NKAIN2: variants seen among roughly 807,000 people sequenced by gnomAD.
The protein encoded by NKAIN2 is sodium/potassium-transporting ATPase subunit beta-1-interacting protein 2.
A neutral mutation model predicts 32.6 loss-of-function variants in NKAIN2; 14 were observed. That is an observed-to-expected ratio of 0.43 (90% CI 0.28 to 0.67). The LOEUF (loss-of-function observed/expected upper bound fraction) is 0.67. Among genes scored for constraint, NKAIN2 ranks in the 30% least tolerant of loss-of-function variants. The pLI is 0.17. For synonymous variants in NKAIN2, 80 were observed against 87.2 expected, an observed-to-expected ratio of 0.92 and a Z score of 0.46; for missense variants, 198 against 258.3, an observed-to-expected ratio of 0.77 and a Z score of 1.60.
chr6:123,888,363 C>T (rs1773829187), intron 1 of NKAIN2, among the ~76,000 whole-genome samples: 1 of 152,070 alleles, frequency 6.6e-6, no homozygotes, highest in South Asian at 2.1e-4. Flanking sequence ...ATGCTTTTTA[C>T]TTGGGCCTCT....
intron 1 of NKAIN2, among the ~76,000 whole-genome samples, chr6:124,190,942 A>G (rs1295087134): frequency 1.3e-5 from 2 of 152,142 alleles, no homozygotes; most frequent in Non-Finnish European, 2.9e-5. Flanking sequence ...TTCCCTCTCT[A>G]TAACATCCTC....
chr6:124,677,035 C>G (rs1218088735), intron 4 of NKAIN2, among the ~76,000 whole-genome samples: 1 of 152,092 alleles, frequency 6.6e-6, no homozygotes, highest in African/African-American at 2.4e-5. Context: ...GTGGCGTGAT[C>G]TCGGCTCACT....
chr6:124,330,518 A>G (rs1167847346), intron 2 of NKAIN2, among the ~76,000 whole-genome samples: 1 of 152,194 alleles, frequency 6.6e-6, no homozygotes, highest in Non-Finnish European at 1.5e-5. Flanking sequence ...CTCCACATCA[A>G]CCAGTCATGA....
At chr6:124,350,664 A>G (rs1798681537) in intron 2 of NKAIN2, among the ~76,000 whole-genome samples, 1 of 152,238 alleles carries the variant, frequency 6.6e-6, no homozygotes, top group South Asian at 2.1e-4. Flanking sequence ...GACTAACTGG[A>G]TTGTAATGAA....
chr6:124,768,916 T>C (rs1778630941), intron 4 of NKAIN2, among the ~76,000 whole-genome samples: 1 of 152,152 alleles, frequency 6.6e-6, no homozygotes. Context: ...TTTACAAAGC[T>C]GTTTTGGGTC....
At chr6:124,612,181 A>G (rs996641665) in intron 3 of NKAIN2, among the ~76,000 whole-genome samples, 3 of 151,760 alleles carry the variant, frequency 2.0e-5, no homozygotes, top group Admixed American at 1.3e-4. Context: ...GAATCACTCT[A>G]TGTTTTTGGA....
chr6:123,941,518 GC>G (rs1776824045), intron 1 of NKAIN2, among the ~76,000 whole-genome samples: 1 of 151,632 alleles, frequency 6.6e-6, no homozygotes, highest in South Asian at 2.1e-4. Context: ...AAATTTTTCA[GC>G]CCCATTATAA....
chr6:123,829,664 G>A (rs1400508518), intron 1 of NKAIN2, among the ~76,000 whole-genome samples: 4 of 152,168 alleles, frequency 2.6e-5, no homozygotes, highest in Non-Finnish European at 5.9e-5. Flanking sequence ...TAAATGCAGA[G>A]GGGTGGGGAG....
intron 1 of NKAIN2, among the ~76,000 whole-genome samples, chr6:124,240,990 A>G (rs1793063161): frequency 6.6e-6 from 1 of 152,032 alleles, no homozygotes; most frequent in African/African-American, 2.4e-5. Flanking sequence ...TATTTAGAAA[A>G]CCCCATCGTC....
At chr6:124,529,581 G>A (rs1779445776) in intron 3 of NKAIN2, among the ~76,000 whole-genome samples, 1 of 152,148 alleles carries the variant, frequency 6.6e-6, no homozygotes, top group Non-Finnish European at 1.5e-5. Flanking sequence ...GGAAAACCCT[G>A]CTTTGGCCAG....
intron 1 of NKAIN2, among the ~76,000 whole-genome samples, chr6:124,104,112 C>G (rs1785011394): frequency 6.6e-6 from 1 of 152,144 alleles, no homozygotes; most frequent in African/African-American, 2.4e-5. Flanking sequence ...AACATAAAAA[C>G]AGAAGAAAAA....
At chr6:123,899,079 G>A (rs553240255) in intron 1 of NKAIN2, among the ~76,000 whole-genome samples, 1 of 152,228 alleles carries the variant, frequency 6.6e-6, no homozygotes, top group African/African-American at 2.4e-5. Flanking sequence ...GCTCTTTAAG[G>A]GACTTTAGGC....
At chr6:123,839,441 A>G (rs1312544949) in intron 1 of NKAIN2, among the ~76,000 whole-genome samples, 2 of 152,178 alleles carry the variant, frequency 1.3e-5, no homozygotes, top group African/African-American at 2.4e-5. Context: ...GTGTCTATAA[A>G]GAATATGTAC....
intron 3 of NKAIN2, among the ~76,000 whole-genome samples, chr6:124,588,747 G>A (rs1416942441): frequency 6.6e-6 from 1 of 152,098 alleles, no homozygotes; most frequent in Non-Finnish European, 1.5e-5. Context: ...CAGACTTTCT[G>A]GTGTACCCCC....
intron 3 of NKAIN2, among the ~76,000 whole-genome samples, chr6:124,639,293 A>G (rs972991475): frequency 6.6e-6 from 1 of 152,236 alleles, no homozygotes; most frequent in Admixed American, 6.5e-5. Context: ...TACTATCCAC[A>G]ATAGTGGAGA....
At chr6:124,387,155 A>G (rs1035412753) in intron 3 of NKAIN2, among the ~76,000 whole-genome samples, 7 of 152,150 alleles carry the variant, frequency 4.6e-5, no homozygotes, top group African/African-American at 1.7e-4. Context: ...ATATGAGTGT[A>G]CACTTACATG....
At chr6:124,255,077 A>G (rs1453287636) in intron 1 of NKAIN2, among the ~76,000 whole-genome samples, 6 of 152,162 alleles carry the variant, frequency 3.9e-5, no homozygotes, top group Non-Finnish European at 7.3e-5. Flanking sequence ...GTTCAATTGC[A>G]TTAGTGTGTT....
intron 1 of NKAIN2, among the ~76,000 whole-genome samples, chr6:123,836,601 G>C (rs1202061832): frequency 1.3e-5 from 2 of 151,710 alleles, no homozygotes; most frequent in African/African-American, 4.8e-5. Flanking sequence ...AAGGAAAATG[G>C]TGACTAAATG....
intron 4 of NKAIN2, among the ~76,000 whole-genome samples, chr6:124,736,256 G>A (rs1776934643): frequency 6.6e-6 from 1 of 151,942 alleles, no homozygotes; most frequent in African/African-American, 2.4e-5. Flanking sequence ...GGAAGCTGCA[G>A]AAGAAAAACT....
Sources: gnomAD v4.1 joint callset for allele counts (sites outside exome capture counted in the v4.1 genomes callset) on GRCh38, gnomAD v4.1.1 for gene constraint, MANE v1.5 for transcripts, NCBI Gene and HGNC (gene_info 2026-07-23, HGNC 2026-07-21) for gene names.